NRG3: variants seen among roughly 807,000 people sequenced by gnomAD.
NRG3 encodes the protein neuregulin 3.
NRG3 carries 31 observed loss-of-function variants against 66.9 expected under a neutral mutation model. That is an observed-to-expected ratio of 0.46 (90% CI 0.35 to 0.63). The LOEUF (loss-of-function observed/expected upper bound fraction) is 0.63, where lower values mean the gene tolerates loss of function less well. Among genes scored for constraint, NRG3 ranks in the 20% least tolerant of loss-of-function variants. The pLI, the probability that NRG3 is intolerant of heterozygous loss-of-function variation, is 0.00. For missense variants in NRG3, 910 were observed against 878.9 expected (o/e 1.04, Z -0.45); for synonymous variants, 393 against 359.4 (o/e 1.09, Z -1.06).
intron 5 of NRG3, among the ~76,000 whole-genome samples, chr10:82,954,775 G>A (rs961452372): frequency 8.7e-5 from 13 of 148,908 alleles, no homozygotes; most frequent in Non-Finnish European, 1.5e-4. Context: ...AAGCAATATA[G>A]ATTGTCATAA....
At chr10:82,729,516 C>T (rs771214162) in intron 2 of NRG3, among the ~76,000 whole-genome samples, 3 of 152,138 alleles carry the variant, frequency 2.0e-5, no homozygotes, top group Non-Finnish European at 4.4e-5. Flanking sequence ...CACATAGCTG[C>T]TCTGGAGAAC....
chr10:82,062,980 C>T (rs548109710), intron 1 of NRG3, among the ~76,000 whole-genome samples: 11 of 152,208 alleles, frequency 7.2e-5, no homozygotes, highest in South Asian at 4.2e-4. Context: ...CATTATCTGC[C>T]GCCCACCCCA....
intron 2 of NRG3, among the ~76,000 whole-genome samples, chr10:82,398,489 GTA>G (rs1335217113): frequency 3.0e-5 from 4 of 131,432 alleles, no homozygotes; most frequent in African/African-American, 1.1e-4. Flanking sequence ...TTGGCTTCGT[GTA>G]TGTGTGTGTG....
intron 4 of NRG3, among the ~76,000 whole-genome samples, chr10:82,893,206 A>G (rs1368409149): frequency 1.3e-5 from 2 of 152,204 alleles, no homozygotes. Context: ...ATTCTAGTGC[A>G]TAACACAGCC....
At chr10:82,670,923 T>C (rs1235457698) in intron 2 of NRG3, among the ~76,000 whole-genome samples, 3 of 152,188 alleles carry the variant, frequency 2.0e-5, no homozygotes, top group African/African-American at 7.2e-5. Flanking sequence ...TTCCCATCAA[T>C]TCTCATCCTC....
chr10:82,432,514 A>G lies in NRG3; in HGVS notation c.953+73646A>G, dbSNP rs2089887899. Among the ~76,000 whole-genome samples, 5 of 148,670 alleles carry G rather than the reference A, an allele frequency of 3.4e-5. No individual in the cohort carries two copies. The Admixed American group carries it at 3.4e-4, about 10-fold the overall frequency. On this transcript the variant is annotated intron_variant, in intron 2 of 8. Transcript: ENST00000372141. The stretch of plus-strand genomic sequence containing the variant: ...TTCTTCTAAAAAAAAAAAAAAAAAA[A>G]CAGGATACATGTGCAGATCGTGCAG...
chr10:82,392,638 C>G (rs919835554), intron 2 of NRG3, among the ~76,000 whole-genome samples: 3 of 152,064 alleles, frequency 2.0e-5, no homozygotes, highest in African/African-American at 7.2e-5. Context: ...GACAATAGCC[C>G]ATTTGTTTTA....
At chr10:82,573,592 A>G (rs948940261) in intron 2 of NRG3, among the ~76,000 whole-genome samples, 1 of 151,832 alleles carries the variant, frequency 6.6e-6, no homozygotes, top group African/African-American at 2.4e-5. Flanking sequence ...TGCTTATGCA[A>G]CACATGAGTT....
intron 1 of NRG3, among the ~76,000 whole-genome samples, chr10:82,048,024 G>T (rs1292669469): frequency 1.3e-5 from 2 of 150,656 alleles, no homozygotes; most frequent in African/African-American, 4.9e-5. Flanking sequence ...AATGGTAAAG[G>T]GATCAATTAA....
At chr10:82,134,340 A>G (rs939043464) in intron 1 of NRG3, among the ~76,000 whole-genome samples, 7 of 152,006 alleles carry the variant, frequency 4.6e-5, no homozygotes, top group Admixed American at 3.3e-4. Context: ...GCTTTTTCCT[A>G]TGTCTAGGAT....
At chr10:82,887,497 T>A (rs1319375466) in intron 4 of NRG3, among the ~76,000 whole-genome samples, 1 of 152,226 alleles carries the variant, frequency 6.6e-6, no homozygotes, top group Admixed American at 6.5e-5. Context: ...CTAAATGCTT[T>A]GTTTTATAAT....
At chr10:82,332,863 T>C (rs1380554678) in intron 1 of NRG3, among the ~76,000 whole-genome samples, 2 of 152,162 alleles carry the variant, frequency 1.3e-5, no homozygotes, top group African/African-American at 4.8e-5. Flanking sequence ...GCAATTAAAT[T>C]AGAAGGATAT....
intron 3 of NRG3, among the ~76,000 whole-genome samples, chr10:82,845,534 C>CA (rs960623829): frequency 5.3e-4 from 64 of 121,486 alleles, no homozygotes; most frequent in South Asian, 1.0e-3. Flanking sequence ...CCTGGGCAGG[C>CA]AAAAAAAAAA....
At chr10:82,925,866 A>G (rs1464254022) in intron 4 of NRG3, among the ~76,000 whole-genome samples, 4 of 152,204 alleles carry the variant, frequency 2.6e-5, no homozygotes, top group Admixed American at 2.6e-4. Context: ...GGCTTGCCCT[A>G]CACCCCCTTT....
intron 1 of NRG3, among the ~76,000 whole-genome samples, chr10:82,141,787 A>G (rs1175492381): frequency 1.3e-5 from 2 of 152,166 alleles, no homozygotes; most frequent in Non-Finnish European, 2.9e-5. Context: ...TTTGATAAGC[A>G]TTTACATTCT....
chr10:82,854,351 G>A (rs2063705666), intron 3 of NRG3, among the ~76,000 whole-genome samples: 2 of 152,140 alleles, frequency 1.3e-5, no homozygotes, highest in Admixed American at 1.3e-4. Context: ...TAATGGAATG[G>A]CAGGAACAAA....
At chr10:82,323,453 C>T (rs187532897) in intron 1 of NRG3, among the ~76,000 whole-genome samples, 94 of 149,320 alleles carry the variant, frequency 6.3e-4, no homozygotes, top group African/African-American at 2.1e-3. Context: ...TCTTCACATA[C>T]GTGGGATAAA....
At chr10:82,572,473 GC>G (rs1343857685) in intron 2 of NRG3, among the ~76,000 whole-genome samples, 1 of 151,592 alleles carries the variant, frequency 6.6e-6, no homozygotes, top group East Asian at 1.9e-4. Context: ...ATTTTTGCAG[GC>G]CCTTTGCAGT....
In NRG3 at chr10:82,274,388, AAAG is replaced by A. The variant is rs568685278; in HGVS notation, c.824-84345_824-84343del. On this transcript the variant is annotated intron_variant, in intron 1 of 8. Coordinates refer to ENST00000372141, the MANE Select transcript of NRG3 (RefSeq NM_001010848.4). The stretch of plus-strand genomic sequence containing the variant: ...CTTCTAATTCTGAATTCTCATATTA[AAAG>A]AAGAATTAGTTGTCAGATCTAGAAT... Among the ~76,000 whole-genome samples, 532 of 152,144 alleles carry A rather than the reference AAAG, an allele frequency of 3.5e-3. 2 individuals are homozygous for A. The highest frequency in any genetic ancestry group is 5.9e-3 in the Non-Finnish European group (399 of 67,958).
Sources: allele counts gnomAD v4.1 joint callset (sites outside exome capture counted in the v4.1 genomes callset), GRCh38; gene constraint gnomAD v4.1.1; transcripts MANE v1.5; gene names NCBI Gene and HGNC (gene_info 2026-07-23, HGNC 2026-07-21).